Variants in PRSS55 observed in about 807,000 individuals in gnomAD.
PRSS55 encodes serine protease 55, also known as probable serine protease UNQ9391/PRO34284.
Under a neutral mutation model 23.6 loss-of-function variants are expected in PRSS55, and 41 were observed. The observed-to-expected ratio is 1.74, with a 90% CI of 1.35 to 2.26. The LOEUF (loss-of-function observed/expected upper bound fraction) is 2.26. PRSS55 is among the 30% of genes most tolerant of loss of function. PRSS55 has a pLI of 0.00. For missense variants in PRSS55, 669 were observed against 439.1 expected (o/e 1.52, Z -4.68); for synonymous variants, 262 against 175.5 (o/e 1.49, Z -3.90).
At chr8:10,553,220 T>C (rs1395406802) in intron 4 of PRSS55, among the ~76,000 whole-genome samples, 2 of 152,228 alleles carry the variant, frequency 1.3e-5, no homozygotes, top group Admixed American at 6.5e-5. Flanking sequence ...CCTGCTGCCA[T>C]GTAAGACATG....
At chr8:10,551,270 G>C (rs990532625) in intron 4 of PRSS55, among the ~76,000 whole-genome samples, 1 of 152,172 alleles carries the variant, frequency 6.6e-6, no homozygotes. Flanking sequence ...TTTCTTCTAA[G>C]ACAATGAGCT....
At chr8:10,539,101 C>CT (rs1812562407), downstream of PRSS55, among the ~76,000 whole-genome samples, 1 of 151,228 alleles carries the variant, frequency 6.6e-6, no homozygotes, top group Admixed American at 6.6e-5. Flanking sequence ...GGCATGATGA[C>CT]TTCAGGCGTG....
At chr8:10,528,996 C>T (rs1812143331) in intron 1 of PRSS55, among the ~76,000 whole-genome samples, 2 of 152,178 alleles carry the variant, frequency 1.3e-5, no homozygotes, top group Admixed American at 1.3e-4. Flanking sequence ...TCAGTGATTC[C>T]ACTGGCCCCT....
At chr8:10,543,463 C>CCTTTCTTT (rs754211855), downstream of PRSS55, among the ~76,000 whole-genome samples, 1 of 49,678 alleles carries the variant, frequency 2.0e-5, no homozygotes, top group African/African-American at 5.8e-5. Context: ...TTCCTTCCTT[C>CCTTTCTTT]CTTTCTTTCT....
chr8:10,528,070 T>C (rs1354654667), intron 1 of PRSS55, among the ~76,000 whole-genome samples: 1 of 151,968 alleles, frequency 6.6e-6, no homozygotes, highest in Non-Finnish European at 1.5e-5. Context: ...ACAAAAACTG[T>C]AGTCCCAGCT....
At chr8:10,543,278 T>G (rs959110636), downstream of PRSS55, among the ~76,000 whole-genome samples, 10 of 152,090 alleles carry the variant, frequency 6.6e-5, no homozygotes, top group Non-Finnish European at 1.3e-4. Context: ...AGCCCGGAGC[T>G]TCTGGGGGCC....
chr8:10,548,195 G>A (rs561796455), intron 4 of PRSS55, among the ~76,000 whole-genome samples: 1 of 152,254 alleles, frequency 6.6e-6, no homozygotes, highest in African/African-American at 2.4e-5. Flanking sequence ...GGCAGCGAGC[G>A]CTCAGGTGGG....
At chr8:10,545,709 T>A (rs1812799599) in intron 4 of PRSS55, among the ~76,000 whole-genome samples, 1 of 152,284 alleles carries the variant, frequency 6.6e-6, no homozygotes, top group East Asian at 1.9e-4. Flanking sequence ...TCGTAAATCA[T>A]CGTTTGAATT....
chr8:10,535,949 C>T (rs774469933), intron 4 of PRSS55, among the ~76,000 whole-genome samples: 3 of 152,154 alleles, frequency 2.0e-5, no homozygotes, highest in Non-Finnish European at 2.9e-5. Flanking sequence ...CACTGTGGGA[C>T]GCCAAGACCG....
chr8:10,527,630 G>A (rs1451099560), intron 1 of PRSS55, among the ~76,000 whole-genome samples: 1 of 152,228 alleles, frequency 6.6e-6, no homozygotes, highest in African/African-American at 2.4e-5. Context: ...AATATTTCAG[G>A]CAGAGAGCCA....
At chr8:10,551,310 A>G (rs2117087340) in intron 4 of PRSS55, among the ~76,000 whole-genome samples, 1 of 140,782 alleles carries the variant, frequency 7.1e-6, no homozygotes, top group Middle Eastern at 3.6e-3. Flanking sequence ...TGGCTTTAAA[A>G]TGCCCTCACT....
intron 1 of PRSS55, among the ~76,000 whole-genome samples, chr8:10,526,789 C>G (rs1034604651): frequency 6.6e-6 from 1 of 152,216 alleles, no homozygotes; most frequent in Non-Finnish European, 1.5e-5. Flanking sequence ...CAACATCCAT[C>G]CTCTCATTTC....
At chr8:10,554,013 C>G (rs1813008342) in exon 5 of PRSS55, 14 of 1,529,944 alleles carry the variant, frequency 9.2e-6, no homozygotes, top group African/African-American at 1.4e-5. Flanking sequence ...GGGTCTCACA[C>G]CTTTCATCTG....
intron 2 of PRSS55, among the ~76,000 whole-genome samples, chr8:10,530,192 G>A (rs1389052283): frequency 5.9e-5 from 9 of 152,232 alleles, no homozygotes; most frequent in South Asian, 2.1e-4. Flanking sequence ...CCTATTGGCC[G>A]GGTGCGGTGG....
chr8:10,536,533 TA>T (rs747788684), intron 4 of PRSS55, among the ~76,000 whole-genome samples: 1 of 152,138 alleles, frequency 6.6e-6, no homozygotes, highest in Non-Finnish European at 1.5e-5. Context: ...GAAAGGAATA[TA>T]AATTATTCTA....
rs1812830113 is a variant in PRSS55, at chr8:10,546,830, A to ATCCT, written c.742-7113_742-7112insTCCT. Among the ~76,000 whole-genome samples the ATCCT allele has an allele frequency of 2.0e-5, 3 of 152,120 alleles. No homozygotes were observed. In the South Asian group the frequency reaches 6.2e-4, roughly 32 times the overall value. On this transcript the variant is annotated intron_variant, in intron 4 of 4. Coordinates refer to the PRSS55 transcript ENST00000522210. ...TCCTGAGTAGCTGATTGCACACAGG[A>ATCCT]GTGTGCAATCACACCTAGCTAATTA... is the stretch of plus-strand genomic sequence containing the variant.
At chr8:10,526,607 C>T (rs369127383) in intron 1 of PRSS55, among the ~76,000 whole-genome samples, 16 of 152,350 alleles carry the variant, frequency 1.1e-4, no homozygotes, top group Non-Finnish European at 2.2e-4. Context: ...TGCTTCCAGG[C>T]TCTCAGCTCT....
At chr8:10,534,101 TG>T (rs1812370778) in intron 4 of PRSS55, among the ~76,000 whole-genome samples, 1 of 145,934 alleles carries the variant, frequency 6.9e-6, no homozygotes. Context: ...CTTCACTTTC[TG>T]GGCAATTTAA....
At chr8:10,551,883 T>C (rs1812959916) in intron 4 of PRSS55, among the ~76,000 whole-genome samples, 1 of 152,140 alleles carries the variant, frequency 6.6e-6, no homozygotes, top group Non-Finnish European at 1.5e-5. Context: ...AACAAATTCT[T>C]CCAAAAGCAG....
Sources: gnomAD v4.1 joint callset for allele counts (sites outside exome capture counted in the v4.1 genomes callset) on GRCh38, gnomAD v4.1.1 for gene constraint, MANE v1.5 for transcripts, NCBI Gene and HGNC (gene_info 2026-07-23, HGNC 2026-07-21) for gene names.